Variants in CROCC2 observed in about 807,000 individuals in gnomAD.
CROCC2 encodes ciliary rootlet coiled-coil protein 2.
In CROCC2, 163 loss-of-function variants were observed where a neutral mutation model predicts 177.6. That is an observed-to-expected ratio of 0.92 (90% CI 0.81 to 1.05). The LOEUF is 1.05. CROCC2 is among the 50% of genes least tolerant of loss of function. CROCC2 has a pLI of 0.00. For synonymous variants in CROCC2, 904 were observed against 787.3 expected, an observed-to-expected ratio of 1.15 and a Z score of -2.48; for missense variants, 1,929 against 1,797.8, an observed-to-expected ratio of 1.07 and a Z score of -1.32.
intron 30 of CROCC2, among the ~76,000 whole-genome samples, 182 bp downstream of exon 30, chr2:240,990,015 A>C (rs1381557782): frequency 6.6e-6 from 1 of 152,188 alleles, no homozygotes; most frequent in Non-Finnish European, 1.5e-5. Flanking sequence ...TCTCGACGGC[A>C]CGAGGTTTAT....
At chr2:240,975,242 G>A (rs2059752014) in intron 27 of CROCC2, among the ~76,000 whole-genome samples, 1 of 152,232 alleles carries the variant, frequency 6.6e-6, no homozygotes, top group Admixed American at 6.5e-5. Context: ...GAGGCAGCAG[G>A]GCAGGCCAGA....
rs1480904265 is a variant in CROCC2 at position 240,983,490 on chromosome 2, G to A, written c.4551+461G>A. ...GCGGCCGAGGCGCAGGCGGAGAGGC[G>A]CGTCCTGCAGGAGCAGACGGCGGCG... On this transcript the variant is annotated intron_variant, in intron 28 of 31. Coordinates refer to ENST00000690015, the MANE Select transcript of CROCC2 (RefSeq NM_001351305.2). 5 of 1,241,234 alleles carry A rather than the reference G, an allele frequency of 4.0e-6. 1 individual carries two copies. The South Asian group carries it at 6.6e-5, about 17-fold the overall frequency. The allele number at this position is 1,241,234 out of a possible 1,614,324, so 76.9% of individuals were successfully genotyped here. A position where few individuals can be genotyped will look rare whatever the true frequency, so the allele number is the denominator to read the frequency against.
At position 240,972,767 on chromosome 2, in the gene CROCC2, G is replaced by C. The variant is rs2059730628; in HGVS notation, c.4401+4505G>C. Among the ~76,000 whole-genome samples the C allele has an allele frequency of 6.6e-6, 1 of 151,998 alleles. No individual in the cohort carries two copies. The highest frequency in any genetic ancestry group is 2.1e-4 in the South Asian group (1 of 4,822). ...TTTTTAGGCCAAGTTGGTCTCATCT[G>C]CCCTCGGGAGTCCTCCAAGTCCCTG... On this transcript the variant is annotated intron_variant, in intron 27 of 31. Coordinates refer to ENST00000690015, the MANE Select transcript of CROCC2 (RefSeq NM_001351305.2). This position sits in a 1 kb window ranked among gnomAD's most constrained non-coding sequence, Gnocchi z 7.1.
intron 29 of CROCC2, among the ~76,000 whole-genome samples, chr2:240,989,373 A>G (rs1243835715): frequency 2.6e-5 from 4 of 152,182 alleles, no homozygotes; most frequent in Non-Finnish European, 5.9e-5. Flanking sequence ...CCGGACACCC[A>G]GCCCAGCCAA....
Position 240,989,736 on chromosome 2 carries a change from A to C in CROCC2, c.4766A>C (p.Glu1589Ala). The change falls in exon 30 of 32, where the codon GAG becomes GCG. Residue 1589 changes from glutamate to alanine, a missense_variant. Glu to Ala is a moderately radical substitution (Grantham distance 107). This residue lies in a region of CROCC2 where 388 missense variants were observed against 352.7 expected (regional missense o/e 1.10). Transcript: ENST00000690015. Reference sequence around the variant, plus strand: ...CAGCACCAGCGGGACCTGGCCACAGAGGCAGAGCGTCTCCATGGGGCCCGG... The same window carrying C: ...CAGCACCAGCGGGACCTGGCCACAGCGGCAGAGCGTCTCCATGGGGCCCGG... ...TAQHQRDLATEAERLHGARPQ... is the reference protein window; with the variant it reads ...TAQHQRDLATAAERLHGARPQ... 1 of 1,550,390 alleles carries C rather than the reference A, an allele frequency of 6.4e-7. No homozygotes were observed. The highest frequency in any genetic ancestry group is 8.7e-7 in the Non-Finnish European group (1 of 1,146,918).
chr2:240,976,051 C>T (rs1276538989), intron 27 of CROCC2, among the ~76,000 whole-genome samples: 2 of 152,350 alleles, frequency 1.3e-5, no homozygotes, highest in South Asian at 2.1e-4. Flanking sequence ...TTGGTCTCAA[C>T]GAGACCCCTG....
In CROCC2 at chr2:240,966,302, C is replaced by A; in HGVS notation, c.4039C>A (p.Pro1347Thr). 1 of 433,072 alleles carries A rather than the reference C, an allele frequency of 2.3e-6. No individual in the cohort carries two copies. The allele number at this position is 433,072 out of a possible 1,614,324, so 26.8% of individuals were successfully genotyped here. Reference protein sequence around the residue: ...PARPHSPLRWPSPTPGGRSSE... With the variant: ...PARPHSPLRWTSPTPGGRSSE... The stretch of plus-strand genomic sequence containing the variant: ...CAGGCCCCACTCGCCCCTCCGATGG[C>A]CCTCGCCCACACCCGGAGGCCGCAG... Residue 1347 changes from proline (P) to threonine (T), a missense_variant, in exon 25 of 32, where the codon CCC (proline) becomes ACC (threonine). By Grantham distance (38) the Pro-to-Thr change is conservative (BLOSUM62 -1). Transcript: ENST00000690015.
At chr2:240,986,090 C>G (rs558894946) in intron 28 of CROCC2, 1 of 386,242 alleles carries the variant, frequency 2.6e-6, no homozygotes, top group Non-Finnish European at 5.3e-6. Context: ...CTACAGCATG[C>G]GTTGTTTAAA....
rs1044418820 is a variant in CROCC2, at chr2:240,931,044, T to A, written c.863T>A (p.Leu288Gln). 1 of 716,716 alleles carries A rather than the reference T, an allele frequency of 1.4e-6. No individual in the cohort carries two copies. The highest frequency in any genetic ancestry group is 2.6e-6 in the Non-Finnish European group (1 of 384,792). 44.4% of individuals were successfully genotyped at this position (716,716 alleles called of 1,614,324 possible). ...RLSASSTAST[L>Q]GQQLRDKAGE... ...TCGGCCAGCAGCACGGCCAGCACCC[T>A]GGGGCAGCAGCTTCGGGACAAGGCT... Residue 288 changes from leucine to glutamine, a missense_variant, in exon 7 of 32, where the codon CTG (leucine) becomes CAG (glutamine). Around this residue, in one of 3 missense-constraint regions of CROCC2, gnomAD observed 1,397 missense variants for 1,239.9 expected, o/e 1.13. Coordinates refer to ENST00000690015, the MANE Select transcript of CROCC2 (RefSeq NM_001351305.2).
At chr2:240,987,589 C>T (rs1202763412) in intron 28 of CROCC2, among the ~76,000 whole-genome samples, 4 of 152,236 alleles carry the variant, frequency 2.6e-5, no homozygotes, top group Non-Finnish European at 4.4e-5. Flanking sequence ...TGTCTTAGGG[C>T]CCGAAACCAG....
In CROCC2 at chr2:240,933,732, CGGA is replaced by C. The variant is rs763786383; in HGVS notation, c.1528_1530del (p.Glu510del). ...AAAGGGAAGGCAGATGCTGCAGATG[CGGA>C]GAAGCAGGGGCTGGAGGCCGAGGCT... On this transcript the variant is annotated inframe_deletion, in exon 11 of 32. Transcript: ENST00000690015. 10 of 1,550,132 alleles carry C rather than the reference CGGA, an allele frequency of 6.5e-6. No homozygotes were observed. The East Asian group carries it at 2.2e-4, about 34-fold the overall frequency.
In CROCC2 at chr2:240,906,490, T is replaced by G; in HGVS notation, c.-24T>G. 1 of 399,028 alleles carries G rather than the reference T, an allele frequency of 2.5e-6. No individual in the cohort carries two copies. 24.7% of individuals were successfully genotyped at this position (399,028 alleles called of 1,614,324 possible). ...CCAGGTAGCAAAGCCCAGACTTCTC[T>G]GGGGTCCTGCGCTCTGGGCTGCAAT... is the stretch of plus-strand genomic sequence containing the variant. On this transcript the variant is annotated 5_prime_UTR_variant, in exon 1 of 32. Coordinates refer to ENST00000690015, the MANE Select transcript of CROCC2 (RefSeq NM_001351305.2).
chr2:240,967,998 C>T, intron 26 of CROCC2, 131 bp from the exon 27 acceptor site: 1 of 1,008,200 alleles, frequency 9.9e-7, no homozygotes, highest in South Asian at 2.8e-5. Flanking sequence ...GCCCCAGGAC[C>T]CTTGAGCTGC....
intron 28 of CROCC2, among the ~76,000 whole-genome samples, chr2:240,986,850 C>T (rs1463311169): frequency 6.6e-6 from 1 of 152,166 alleles, no homozygotes; most frequent in Non-Finnish European, 1.5e-5. Flanking sequence ...AGGCAGGGGG[C>T]CCCCATCTGT....
intron 24 of CROCC2, 29 bp downstream of exon 24, chr2:240,966,022 C>A (rs537820835): frequency 7.5e-7 from 1 of 1,327,732 alleles, no homozygotes; most frequent in African/African-American, 1.5e-5. Context: ...GGCAGGCGGG[C>A]CCCTCTCCCA....
At chr2:240,983,074 G>C in intron 28 of CROCC2, 45 bp downstream of exon 28, 2 of 1,530,474 alleles carry the variant, frequency 1.3e-6, no homozygotes, top group Non-Finnish European at 1.8e-6. Flanking sequence ...CCAGGAGGCG[G>C]TGAACAGGCC....
At chr2:240,928,686 A>C (rs1202368282) in intron 5 of CROCC2, among the ~76,000 whole-genome samples, 2 of 152,340 alleles carry the variant, frequency 1.3e-5, no homozygotes, top group South Asian at 4.1e-4. Flanking sequence ...GGCTGAAGCA[A>C]GCGTCTACCC....
chr2:240,941,679 A>C (rs1177506395), intron 14 of CROCC2, among the ~76,000 whole-genome samples: 1 of 152,232 alleles, frequency 6.6e-6, no homozygotes, highest in East Asian at 1.9e-4. Flanking sequence ...GATTACCCTA[A>C]AATTATGATA....
chr2:240,987,241 G>A (rs566184411), intron 28 of CROCC2, among the ~76,000 whole-genome samples: 4 of 152,258 alleles, frequency 2.6e-5, no homozygotes, highest in South Asian at 4.2e-4. Context: ...AGTGCCCACC[G>A]TGAGTCCCTG....
Sources: allele counts gnomAD v4.1 joint callset (sites outside exome capture counted in the v4.1 genomes callset), GRCh38; gene constraint gnomAD v4.1.1; regional missense constraint gnomAD v4.1.1; non-coding constraint Gnocchi (gnomAD v3.1); transcripts MANE v1.5; gene names NCBI Gene and HGNC (gene_info 2026-07-23, HGNC 2026-07-21).